WDTC1: variants seen among roughly 807,000 people sequenced by gnomAD.
WDTC1 encodes the protein WD and tetratricopeptide repeats 1.
Under a neutral mutation model 76.0 loss-of-function variants are expected in WDTC1, and 12 were observed. The observed-to-expected ratio is 0.16, with a 90% CI of 0.10 to 0.26. The LOEUF is 0.26. WDTC1 is among the 10% of genes least tolerant of loss of function. The probability of loss-of-function intolerance (pLI) is 1.00; values close to 1 mark genes in which losing one functional copy is unlikely to be tolerated. For synonymous variants in WDTC1, 326 were observed against 350.8 expected (o/e 0.93, Z 0.79); for missense variants, 511 against 908.8 (o/e 0.56, Z 5.63).
At chr1:27,237,730 A>G (rs1404081495) in intron 1 of WDTC1, among the ~76,000 whole-genome samples, 1 of 152,044 alleles carries the variant, frequency 6.6e-6, no homozygotes, top group Non-Finnish European at 1.5e-5. Flanking sequence ...ACGCGCCTGT[A>G]GTCCCAGCTA....
chr1:27,247,446 A>G (rs1188701399), intron 1 of WDTC1, among the ~76,000 whole-genome samples: 1 of 152,056 alleles, frequency 6.6e-6, no homozygotes, highest in Non-Finnish European at 1.5e-5. Context: ...CTAGTACTCA[A>G]TAGTTATTTT....
At chr1:27,237,080 C>T (rs2011505164) in intron 1 of WDTC1, among the ~76,000 whole-genome samples, 1 of 152,148 alleles carries the variant, frequency 6.6e-6, no homozygotes, top group African/African-American at 2.4e-5. Flanking sequence ...TCGTGATCCA[C>T]CGACCTCGGC....
At chr1:27,294,668 C>G in intron 9 of WDTC1, 39 bp downstream of exon 9, 1 of 1,568,480 alleles carries the variant, frequency 6.4e-7, no homozygotes, top group Non-Finnish European at 8.8e-7. Context: ...CATCACCATT[C>G]CATGCCCAGC....
intron 1 of WDTC1, among the ~76,000 whole-genome samples, chr1:27,241,175 A>G (rs2011622590): frequency 6.6e-6 from 1 of 152,104 alleles, no homozygotes; most frequent in African/African-American, 2.4e-5. Flanking sequence ...CTAGAGCTGT[A>G]ACAGAGCTCA....
intron 8 of WDTC1, 105 bp from the exon 9 acceptor site, chr1:27,294,409 A>G (rs1333949840): frequency 1.9e-6 from 2 of 1,032,234 alleles, no homozygotes; most frequent in African/African-American, 3.1e-5. Flanking sequence ...AGCTGCTTTT[A>G]TGCTAAAGTT....
intron 5 of WDTC1, among the ~76,000 whole-genome samples, chr1:27,284,945 T>A (rs2013291087): frequency 6.6e-6 from 1 of 151,784 alleles, no homozygotes; most frequent in Admixed American, 6.6e-5. Context: ...GTGCATTGAG[T>A]GTATGCCGTC....
chr1:27,282,150 T>C, intron 3 of WDTC1, 89 bp from the exon 4 acceptor site: 1 of 1,287,738 alleles, frequency 7.8e-7, no homozygotes, highest in Non-Finnish European at 1.1e-6. Context: ...GAAAGACTGG[T>C]TTACCTGTTC....
At chr1:27,243,572 T>G (rs961737460) in intron 1 of WDTC1, among the ~76,000 whole-genome samples, 1 of 152,032 alleles carries the variant, frequency 6.6e-6, no homozygotes, top group Admixed American at 6.6e-5. Context: ...ATAGGTTGAC[T>G]CTCTGTCTAA....
intron 1 of WDTC1, among the ~76,000 whole-genome samples, chr1:27,252,481 T>A (rs574878032): frequency 6.6e-6 from 1 of 152,282 alleles, no homozygotes; most frequent in African/African-American, 2.4e-5. Flanking sequence ...TCAGGGTATA[T>A]TGTTAACTGT....
intron 3 of WDTC1, among the ~76,000 whole-genome samples, chr1:27,266,629 C>T (rs1487207716): frequency 6.6e-6 from 1 of 152,114 alleles, no homozygotes; most frequent in African/African-American, 2.4e-5. Flanking sequence ...GACGCCAGTC[C>T]CAAGATGGTG....
chr1:27,255,580 T>C (rs2012249835), intron 1 of WDTC1: 1 of 152,166 alleles, frequency 6.6e-6, no homozygotes, highest in Admixed American at 6.6e-5. Context: ...TAAAACTTTT[T>C]TTTGCTGAGA....
In WDTC1 at chr1:27,301,518, A is replaced by T; in HGVS notation, c.1468+57A>T. The stretch of plus-strand genomic sequence containing the variant: ...CTCTTTCTCTTTGAGATGCTGCATG[A>T]CATTCTGGAGAGGTCATGGTTCTGG... On this transcript the variant is annotated intron_variant, in intron 13 of 15. Coordinates refer to ENST00000319394, the MANE Select transcript of WDTC1 (RefSeq NM_001276252.2). This position sits in a 1 kb window ranked among gnomAD's most constrained non-coding sequence, Gnocchi z 5.8. The T allele has an allele frequency of 6.4e-7, 1 of 1,574,318 alleles. No homozygotes were observed. Among genetic ancestry groups the T allele is most frequent in the Non-Finnish European group, 8.6e-7 (1 of 1,158,002 alleles).
In WDTC1 at chr1:27,293,957, G is replaced by A. The variant is rs1186762087; in HGVS notation, c.663-65G>A. On this transcript the variant is annotated intron_variant, in intron 7 of 15. Transcript: ENST00000319394. ...ACAAATGTAAGTTTTCGTCTAGTGA[G>A]TGTGGTCTGGTCTAGCCAGGGGCAG... 6.8e-6 allele frequency: 10 copies of A among 1,479,838 alleles called. No individual in the cohort carries two copies. The East Asian group carries it at 1.4e-4, about 20-fold the overall frequency. The allele number at this position is 1,479,838 out of a possible 1,614,324, so 91.7% of individuals were successfully genotyped here.
At chr1:27,284,729 G>C (rs140334642) in intron 5 of WDTC1, among the ~76,000 whole-genome samples, 2 of 151,752 alleles carry the variant, frequency 1.3e-5, no homozygotes, top group African/African-American at 2.4e-5. Context: ...CCTTGGGAAC[G>C]GCACTTACAT....
chr1:27,261,209 C>A, intron 2 of WDTC1, 107 bp downstream of exon 2: 1 of 1,333,942 alleles, frequency 7.5e-7, no homozygotes, highest in South Asian at 1.3e-5. Flanking sequence ...TGCCTAAAGT[C>A]ACGTAGCTAG....
chr1:27,237,318 G>A (rs2147894190), intron 1 of WDTC1, among the ~76,000 whole-genome samples: 1 of 152,272 alleles, frequency 6.6e-6, no homozygotes, highest in East Asian at 1.9e-4. Flanking sequence ...GACATGTGCA[G>A]TTCTGAGTCT....
At chr1:27,273,694 C>T (rs561522601) in intron 3 of WDTC1, among the ~76,000 whole-genome samples, 1 of 152,056 alleles carries the variant, frequency 6.6e-6, no homozygotes, top group African/African-American at 2.4e-5. Context: ...TAAATATGCG[C>T]TGGTTAAATA....
intron 5 of WDTC1, among the ~76,000 whole-genome samples, chr1:27,287,432 C>T (rs548224738): frequency 6.6e-6 from 1 of 152,096 alleles, no homozygotes; most frequent in South Asian, 2.1e-4. Flanking sequence ...TGCAGTGGCA[C>T]AATCTCGGCT....
At chr1:27,244,941 T>C (rs2147905708) in intron 1 of WDTC1, among the ~76,000 whole-genome samples, 1 of 152,204 alleles carries the variant, frequency 6.6e-6, no homozygotes, top group South Asian at 2.1e-4. Context: ...AATCTCAGCA[T>C]AGTGTCATCG....
Sources: allele counts gnomAD v4.1 joint callset (sites outside exome capture counted in the v4.1 genomes callset), GRCh38; gene constraint gnomAD v4.1.1; non-coding constraint Gnocchi (gnomAD v3.1); transcripts MANE v1.5; gene names NCBI Gene and HGNC (gene_info 2026-07-23, HGNC 2026-07-21).